Variants in STARD3NL observed in about 807,000 individuals in gnomAD.
The protein encoded by STARD3NL is STARD3 N-terminal-like protein.
In STARD3NL, 17 loss-of-function variants were observed where a neutral mutation model predicts 30.9. That is an observed-to-expected ratio of 0.55 (90% CI 0.38 to 0.82). STARD3NL has a LOEUF of 0.82. Ranked by LOEUF, STARD3NL falls within the 40% of genes least tolerant of loss-of-function variation. The pLI is 0.00. For missense variants in STARD3NL, 234 were observed against 277.6 expected, an observed-to-expected ratio of 0.84 and a Z score of 1.12; for synonymous variants, 112 against 100.5, an observed-to-expected ratio of 1.11 and a Z score of -0.69.
At chr7:38,205,126 A>G (rs1785387707) in intron 1 of STARD3NL, among the ~76,000 whole-genome samples, 1 of 152,220 alleles carries the variant, frequency 6.6e-6, no homozygotes, top group Admixed American at 6.5e-5. Context: ...ATCCTCCCTA[A>G]CTAATTTTAT....
chr7:38,219,618 C>A lies in STARD3NL; in HGVS notation c.607C>A (p.Leu203Ile). 9 of 1,613,106 alleles carry A rather than the reference C, an allele frequency of 5.6e-6. No individual in the cohort carries two copies. The highest frequency in any genetic ancestry group is 7.6e-6 in the Non-Finnish European group (9 of 1,179,278). Residue 203 changes from leucine (L) to isoleucine (I), a missense_variant, in exon 7 of 9, where the codon CTT becomes ATT. By Grantham distance (5) the Leu-to-Ile change is conservative. Coordinates refer to ENST00000009041, the MANE Select transcript of STARD3NL (RefSeq NM_032016.4). The part of the protein sequence containing the change: ...SERAALIPGG[L>I]SDGQFYSPPE... Reference sequence around the variant, plus strand: ...GAGGGCAGCACTTATACCTGGTGGTCTTTCTGATGGTCAGTTTTATTCCCC... The same window carrying A: ...GAGGGCAGCACTTATACCTGGTGGTATTTCTGATGGTCAGTTTTATTCCCC...
At chr7:38,229,237 T>C (rs1165654943) in intron 8 of STARD3NL, among the ~76,000 whole-genome samples, 5 of 152,224 alleles carry the variant, frequency 3.3e-5, no homozygotes, top group Non-Finnish European at 7.3e-5. Context: ...ATCACCTCCA[T>C]TTTACATTTG....
intron 1 of STARD3NL, among the ~76,000 whole-genome samples, chr7:38,197,194 TTTTCTCTCTCTC>T (rs1233621778): frequency 3.3e-4 from 48 of 143,680 alleles, no homozygotes; most frequent in East Asian, 1.2e-3. Context: ...CTTTCTTTCT[TTTTCTCTCTCTC>T]TCTTTCCCTC....
At chr7:38,216,115 C>G (rs1006051294) in intron 4 of STARD3NL, 37 of 152,064 alleles carry the variant, frequency 2.4e-4, no homozygotes, top group African/African-American at 8.9e-4. Context: ...ACAACAGATC[C>G]CTTTGGGATG....
At position 38,207,576 on chromosome 7, in the gene STARD3NL, T is replaced by C. The variant is rs1785558778; in HGVS notation, c.72T>C (p.Asn24=). The change falls in exon 2 of 9, where the codon AAT becomes AAC. Residue 24 remains asparagine (N), a synonymous_variant. Transcript: ENST00000009041. ...GSQSSHASLR[N]IHSINPTQLM... Reference sequence around the variant, plus strand: ...AGAGCTCCCATGCTTCTCTGCGCAATATCCATTCCATCAACCCCACACAAC... The same window carrying C: ...AGAGCTCCCATGCTTCTCTGCGCAACATCCATTCCATCAACCCCACACAAC... The C allele has an allele frequency of 1.2e-6, 2 of 1,614,050 alleles. No homozygotes were observed. Among genetic ancestry groups the C allele is most frequent in the Non-Finnish European group, 1.7e-6 (2 of 1,179,944 alleles).
intron 1 of STARD3NL, among the ~76,000 whole-genome samples, chr7:38,196,768 A>G (rs1784915182): frequency 3.3e-5 from 5 of 152,172 alleles, no homozygotes; most frequent in Non-Finnish European, 7.3e-5. Context: ...GTAGCTTTCT[A>G]TTGCCTCAGC....
intron 1 of STARD3NL, among the ~76,000 whole-genome samples, chr7:38,203,350 A>C (rs1785279689): frequency 6.6e-6 from 1 of 152,216 alleles, no homozygotes. Flanking sequence ...AAGAATTTTC[A>C]ACCCAGAATT....
chr7:38,226,224 T>G (rs1786760515), intron 7 of STARD3NL, among the ~76,000 whole-genome samples: 1 of 118,656 alleles, frequency 8.4e-6, no homozygotes. Context: ...TCTGATTTTT[T>G]TCCTGAAACA....
intron 1 of STARD3NL, among the ~76,000 whole-genome samples, chr7:38,193,656 G>A (rs992767491): frequency 6.6e-6 from 1 of 152,184 alleles, no homozygotes; most frequent in Non-Finnish European, 1.5e-5. Context: ...AATAAGCTCT[G>A]ATATGTTTGT....
intron 1 of STARD3NL, among the ~76,000 whole-genome samples, chr7:38,191,293 C>G (rs1784675762): frequency 6.6e-6 from 1 of 152,074 alleles, no homozygotes. Flanking sequence ...ACAATATTAC[C>G]ATGGACTCAT....
chr7:38,178,304 C>T lies in STARD3NL; in HGVS notation c.-175C>T, dbSNP rs1268822188. ...TGCGGGCGGTGGGCTGCGCGTTGTC[C>T]GCTGGACTGGGTCCCGGTCACGCCC... On this transcript the variant is annotated 5_prime_UTR_variant, in exon 1 of 9. Transcript: ENST00000009041. 2.6e-5 allele frequency: 4 copies of T among 152,170 alleles called. No homozygotes were observed. The highest frequency in any genetic ancestry group is 7.2e-5 in the African/African-American group (3 of 41,416). 9.4% of individuals were successfully genotyped at this position (152,170 alleles called of 1,614,324 possible).
chr7:38,207,851 A>G, intron 2 of STARD3NL, 122 bp downstream of exon 2: 1 of 908,678 alleles, frequency 1.1e-6, no homozygotes, highest in African/African-American at 1.7e-5. Context: ...AAATGAAGCC[A>G]TTGCTTTTCT....
At chr7:38,194,914 T>A (rs1784838326) in intron 1 of STARD3NL, among the ~76,000 whole-genome samples, 1 of 152,216 alleles carries the variant, frequency 6.6e-6, no homozygotes, top group African/African-American at 2.4e-5. Flanking sequence ...TCAAATAGGC[T>A]AAAAAAGTAA....
intron 6 of STARD3NL, among the ~76,000 whole-genome samples, chr7:38,218,865 A>G (rs574331683): frequency 6.6e-6 from 1 of 152,172 alleles, no homozygotes; most frequent in Non-Finnish European, 1.5e-5. Flanking sequence ...AATATTTGTC[A>G]TCTTGATTGT....
intron 1 of STARD3NL, among the ~76,000 whole-genome samples, chr7:38,199,468 G>A (rs1404686245): frequency 2.0e-5 from 3 of 152,200 alleles, no homozygotes; most frequent in African/African-American, 4.8e-5. Context: ...GCTGTCTGTC[G>A]TGTGCTGTGG....
intron 4 of STARD3NL, chr7:38,216,791 G>A (rs1583820931): frequency 1.9e-6 from 1 of 530,706 alleles, no homozygotes. Flanking sequence ...CTGCTGAAAT[G>A]TGGGAGAATA....
chr7:38,196,475 C>G (rs907154491), intron 1 of STARD3NL, among the ~76,000 whole-genome samples: 1 of 152,118 alleles, frequency 6.6e-6, no homozygotes, highest in African/African-American at 2.4e-5. Flanking sequence ...TCCTTTGTTT[C>G]AAAATTATTC....
chr7:38,200,820 G>A (rs1219273287), intron 1 of STARD3NL, among the ~76,000 whole-genome samples: 1 of 152,134 alleles, frequency 6.6e-6, no homozygotes, highest in East Asian at 1.9e-4. Context: ...TGTCAACTTT[G>A]TTGACCTGCT....
At chr7:38,226,536 G>C (rs1223068191) in intron 7 of STARD3NL, among the ~76,000 whole-genome samples, 1 of 152,176 alleles carries the variant, frequency 6.6e-6, no homozygotes, top group African/African-American at 2.4e-5. Context: ...AGCACCTTCA[G>C]CGTTCAGGCC....
Sources: allele counts gnomAD v4.1 joint callset (sites outside exome capture counted in the v4.1 genomes callset), GRCh38; gene constraint gnomAD v4.1.1; transcripts MANE v1.5; gene names NCBI Gene and HGNC (gene_info 2026-07-23, HGNC 2026-07-21).